ADARB1: variants seen among roughly 807,000 people sequenced by gnomAD.
The protein encoded by ADARB1 is double-stranded RNA-specific editase 1.
A neutral mutation model predicts 52.4 loss-of-function variants in ADARB1; 10 were observed. The ratio of observed to expected loss-of-function variants is 0.19; its 90% confidence interval spans 0.12 to 0.32. The LOEUF (loss-of-function observed/expected upper bound fraction) is 0.32. Ranked by LOEUF, ADARB1 falls within the 10% of genes least tolerant of loss-of-function variation. The pLI, the probability that ADARB1 is intolerant of heterozygous loss-of-function variation, is 1.00. For missense variants in ADARB1, 643 were observed against 922.3 expected, an observed-to-expected ratio of 0.70 and a Z score of 3.92; for synonymous variants, 349 against 371.1, an observed-to-expected ratio of 0.94 and a Z score of 0.68.
At chr21:45,149,040 C>T (rs570708839) in intron 2 of ADARB1, among the ~76,000 whole-genome samples, 78 of 152,330 alleles carry the variant, frequency 5.1e-4, no homozygotes, top group African/African-American at 1.6e-3. Context: ...AAGACATCAC[C>T]TCAGCGTGAA....
intron 1 of ADARB1, chr21:45,118,532 G>A (rs2087956808): frequency 6.6e-6 from 1 of 152,138 alleles, no homozygotes; most frequent in Admixed American, 6.5e-5. Flanking sequence ...TTTTCCTTTT[G>A]AAATCAGAAA....
intron 1 of ADARB1, among the ~76,000 whole-genome samples, chr21:45,081,793 C>G (rs1478116717): frequency 2.6e-5 from 4 of 152,178 alleles, no homozygotes; most frequent in Non-Finnish European, 5.9e-5. Context: ...GGGGGGACAA[C>G]AGCCTTCTGG....
rs2092526873 is a variant in ADARB1, at chr21:45,200,414, G to C, written c.1566-4141G>C. Among the ~76,000 whole-genome samples, 1 of 152,186 alleles carries C rather than the reference G, an allele frequency of 6.6e-6. No homozygotes were observed. The highest frequency in any genetic ancestry group is 2.1e-4 in the South Asian group (1 of 4,832). On this transcript the variant is annotated intron_variant, in intron 8 of 10. Transcript: ENST00000348831. This position sits in a 1 kb window ranked among gnomAD's most constrained non-coding sequence, Gnocchi z 5.0. The stretch of plus-strand genomic sequence containing the variant: ...GCCGTGGGAAGGAACGAGAGTCTTG[G>C]TTCAGATGACCTCGGCCTGTGTCCT...
At chr21:45,103,070 A>C (rs2087095557) in intron 1 of ADARB1, among the ~76,000 whole-genome samples, 1 of 152,198 alleles carries the variant, frequency 6.6e-6, no homozygotes. Context: ...GACAGATCCC[A>C]GCTGAGGGAC....
At position 45,172,786 on chromosome 21, in the gene ADARB1, C is replaced by T. The variant is rs987388391; in HGVS notation, c.28+1102C>T. Among the ~76,000 whole-genome samples the T allele has an allele frequency of 1.3e-5, 2 of 152,216 alleles. No individual in the cohort carries two copies. The highest frequency in any genetic ancestry group is 4.8e-5 in the African/African-American group (2 of 41,448). On this transcript the variant is annotated intron_variant, in intron 3 of 10. Coordinates refer to ENST00000348831, the MANE Select transcript of ADARB1 (RefSeq NM_001112.4). The surrounding 1 kb of genome is among the most constrained non-coding windows in gnomAD (Gnocchi z 4.4). ...AACCACGGGACCAGCGTGCTCACCT[C>T]ACTTCCGCTGTTGTGTGCGCAGCCC...
At chr21:45,195,807 A>G (rs982764798) in intron 8 of ADARB1, among the ~76,000 whole-genome samples, 7 of 152,100 alleles carry the variant, frequency 4.6e-5, no homozygotes, top group African/African-American at 1.7e-4. Flanking sequence ...TGTCCTGATT[A>G]CTCTAGTATA....
intron 1 of ADARB1, among the ~76,000 whole-genome samples, chr21:45,125,995 C>T (rs2088556543): frequency 6.6e-6 from 1 of 152,220 alleles, no homozygotes; most frequent in African/African-American, 2.4e-5. Context: ...CTGTGTGCCA[C>T]ACAATTCTGT....
At chr21:45,196,194 T>C (rs1001799808) in intron 8 of ADARB1, among the ~76,000 whole-genome samples, 2 of 152,276 alleles carry the variant, frequency 1.3e-5, no homozygotes, top group South Asian at 4.1e-4. Flanking sequence ...TGCTGTTCAT[T>C]GCTGGTCACA....
At chr21:45,107,358 G>A (rs573947680) in intron 1 of ADARB1, among the ~76,000 whole-genome samples, 1 of 152,086 alleles carries the variant, frequency 6.6e-6, no homozygotes, top group Admixed American at 6.5e-5. Context: ...TTTTTCTTGG[G>A]CTGGACATGT....
chr21:45,183,364 A>G lies in ADARB1; in HGVS notation c.1250A>G (p.Asn417Ser). The change falls in exon 7 of 11, where the codon AAC becomes AGC. Residue 417 changes from asparagine to serine, a missense_variant and splice_region_variant. By Grantham distance (46) the Asn-to-Ser change is conservative. Transcript: ENST00000348831. ...LYTQLELYLN[N>S]KDDQKRSIFQ... Reference sequence around the variant, plus strand: ...TTTTGCAACTTTTTTCCTTTCAGTAACAAAGATGATCAAAAAAGATCCATC... The same window carrying G: ...TTTTGCAACTTTTTTCCTTTCAGTAGCAAAGATGATCAAAAAAGATCCATC... The G allele has an allele frequency of 6.3e-7, 1 of 1,597,844 alleles. No homozygotes were observed. The highest frequency in any genetic ancestry group is 1.2e-5 in the South Asian group (1 of 86,928).
At chr21:45,081,345 T>C (rs2086142417) in intron 1 of ADARB1, among the ~76,000 whole-genome samples, 1 of 152,260 alleles carries the variant, frequency 6.6e-6, no homozygotes, top group Non-Finnish European at 1.5e-5. Flanking sequence ...TAACAATTTT[T>C]GACTTGACTG....
chr21:45,212,955 C>A (rs976737509), intron 9 of ADARB1, among the ~76,000 whole-genome samples: 11 of 152,138 alleles, frequency 7.2e-5, no homozygotes, highest in Non-Finnish European at 1.6e-4. Flanking sequence ...AGAAAATATT[C>A]AGTATTTTTT....
chr21:45,145,015 C>T (rs570110966), intron 2 of ADARB1: 27 of 180,158 alleles, frequency 1.5e-4, no homozygotes, highest in African/African-American at 6.4e-4. Context: ...GAATGTAGAA[C>T]AAATATCAAA....
At chr21:45,089,865 G>A (rs1341748744) in intron 1 of ADARB1, among the ~76,000 whole-genome samples, 1 of 152,192 alleles carries the variant, frequency 6.6e-6, no homozygotes, top group Non-Finnish European at 1.5e-5. Context: ...TCTAGATGGA[G>A]GATCCTTTTG....
intron 1 of ADARB1, among the ~76,000 whole-genome samples, chr21:45,085,487 G>T (rs1169078583): frequency 2.6e-5 from 4 of 152,194 alleles, no homozygotes; most frequent in Admixed American, 1.3e-4. Flanking sequence ...AAACAGCAAT[G>T]ATTGGACTCT....
chr21:45,224,186 T>A lies in ADARB1; in HGVS notation c.*1989T>A, dbSNP rs2093016138. ...GGGATTGGGAGATGGACTTCGTTTTTAAAAATATGTGGATTTTGGTTACCA... is the reference window on the plus strand; with the variant it reads ...GGGATTGGGAGATGGACTTCGTTTTAAAAAATATGTGGATTTTGGTTACCA... On this transcript the variant is annotated 3_prime_UTR_variant, in exon 11 of 11. Coordinates refer to ENST00000348831, the MANE Select transcript of ADARB1 (RefSeq NM_001112.4). The A allele has an allele frequency of 2.0e-6, 2 of 985,356 alleles. No individual in the cohort carries two copies. The highest frequency in any genetic ancestry group is 1.2e-4 in the Admixed American group (2 of 16,276). 61.0% of individuals were successfully genotyped at this position (985,356 alleles called of 1,614,324 possible).
At chr21:45,178,576 G>A (rs1240898838) in intron 4 of ADARB1, among the ~76,000 whole-genome samples, 2 of 152,186 alleles carry the variant, frequency 1.3e-5, no homozygotes, top group Non-Finnish European at 2.9e-5. Context: ...GGCTTTGTTG[G>A]TGGGCTCTAT....
At chr21:45,097,982 T>G (rs192286620) in intron 1 of ADARB1, among the ~76,000 whole-genome samples, 1 of 152,228 alleles carries the variant, frequency 6.6e-6, no homozygotes, top group East Asian at 1.9e-4. Context: ...CCTTTCTCCT[T>G]ACAGTGAACG....
intron 2 of ADARB1, among the ~76,000 whole-genome samples, chr21:45,159,639 G>A (rs796528819): frequency 3.9e-5 from 6 of 152,330 alleles, no homozygotes; most frequent in African/African-American, 1.4e-4. Flanking sequence ...CATCCCTCCA[G>A]CTTCATTCCT....
Sources: allele counts gnomAD v4.1 joint callset (sites outside exome capture counted in the v4.1 genomes callset), GRCh38; gene constraint gnomAD v4.1.1; non-coding constraint Gnocchi (gnomAD v3.1); transcripts MANE v1.5; gene names NCBI Gene and HGNC (gene_info 2026-07-23, HGNC 2026-07-21).